The following VN1R1 variants were observed in gnomAD, a reference collection of about 807,000 sequenced individuals.
The protein encoded by VN1R1 is vomeronasal 1 receptor 1.
For missense variants in VN1R1, 391 were observed against 410.3 expected (o/e 0.95, Z 0.41); for synonymous variants, 168 against 149.8 (o/e 1.12, Z -0.89).
chr19:57,456,037 G>C lies in VN1R1; in HGVS notation c.450C>G (p.Leu150=). 1 of 1,614,206 alleles carries C rather than the reference G, an allele frequency of 6.2e-7. No homozygotes were observed. Among genetic ancestry groups the C allele is most frequent in the Non-Finnish European group, 8.5e-7 (1 of 1,180,044 alleles). Reference sequence around the variant, plus strand: ...CCATCCACCTGCATATACTGGGGTTGAGCTTAATGGCTTGGAATCCATTGA... The same window carrying C: ...CCATCCACCTGCATATACTGGGGTTCAGCTTAATGGCTTGGAATCCATTGA... The part of the protein sequence containing the change: ...CLLNGFQAIK[L]NPSICRWMEI... The change falls in exon 1 of 1, where the codon CTC becomes CTG. Residue 150 remains leucine (L), a synonymous_variant. Coordinates refer to ENST00000321039, the MANE Select transcript of VN1R1 (RefSeq NM_020633.4).
At chr19:57,456,438 AGTATC>A in the VN1R1 span, 2 of 1,602,064 alleles carry the variant, frequency 1.2e-6, no homozygotes, top group South Asian at 2.2e-5. Context: ...AGCAGAAAGA[AGTATC>A]TTGTCATCAG....
At position 57,456,615 on chromosome 19, in the gene VN1R1, C is replaced by G. The variant is rs1254509172; in HGVS notation, c.-129G>C. The G allele has an allele frequency of 2.8e-6, 2 of 714,986 alleles. No homozygotes were observed. Among genetic ancestry groups the G allele is most frequent in the African/African-American group, 3.6e-5 (2 of 56,090 alleles). 44.3% of individuals were successfully genotyped at this position (714,986 alleles called of 1,614,324 possible). On this transcript the variant is annotated 5_prime_UTR_variant, in exon 1 of 1. Transcript: ENST00000321039. ...CGCACAACAGATCCACAAATCAAAC[C>G]TATAAAACTCAGGGCTTACACACAT...
At position 57,456,527 on chromosome 19, in the gene VN1R1, G is replaced by A. The variant is rs1182881374; in HGVS notation, c.-41C>T. On this transcript the variant is annotated 5_prime_UTR_variant, in exon 1 of 1. The change creates a new upstream start codon in the 5' untranslated region. Transcript: ENST00000321039. ...ACAGAAATTAAGATTGTCCCTGTTC[G>A]TGCAAAGGCAATTGCTTGTGTGTCC... is the stretch of plus-strand genomic sequence containing the variant. 1.3e-5 allele frequency: 20 copies of A among 1,490,160 alleles called. No individual in the cohort carries two copies. The East Asian group carries it at 1.4e-4, about 10-fold the overall frequency. 92.3% of individuals were successfully genotyped at this position (1,490,160 alleles called of 1,614,324 possible).
Position 57,455,256 on chromosome 19 carries a change from T to G in VN1R1, c.*169A>C. 1.6e-6 allele frequency: 1 copy of G among 645,002 alleles called. No individual in the cohort carries two copies. The highest frequency in any genetic ancestry group is 2.6e-6 in the Non-Finnish European group (1 of 381,038). 40.0% of individuals were successfully genotyped at this position (645,002 alleles called of 1,614,324 possible). A position where few individuals can be genotyped will look rare whatever the true frequency, so the allele number is the denominator to read the frequency against. On this transcript the variant is annotated 3_prime_UTR_variant, in exon 1 of 1. Coordinates refer to ENST00000321039, the MANE Select transcript of VN1R1 (RefSeq NM_020633.4). Reference sequence around the variant, plus strand: ...TTAACACAGTTATATAGAGTGTTCTTTGTGTAACAGTATCCATGACTTTCA... The same window carrying G: ...TTAACACAGTTATATAGAGTGTTCTGTGTGTAACAGTATCCATGACTTTCA...
Position 57,455,883 on chromosome 19 carries a change from T to C in VN1R1, c.604A>G (p.Lys202Glu). ...GPLNSKNSSAKNNYGYCSYKA... is the reference protein window; with the variant it reads ...GPLNSKNSSAENNYGYCSYKA... ...TAAGAACAGTATCCATAATTGTTTT[T>C]TGCACTACTGTTTTTGCTATTCAGT... is the stretch of plus-strand genomic sequence containing the variant. Residue 202 changes from lysine (K) to glutamate (E), a missense_variant, in exon 1 of 1, where the codon AAA becomes GAA. Coordinates refer to ENST00000321039, the MANE Select transcript of VN1R1 (RefSeq NM_020633.4). The C allele has an allele frequency of 6.2e-7, 1 of 1,614,248 alleles. No individual in the cohort carries two copies.
Position 57,456,737 on chromosome 19 carries a change from A to C in VN1R1, c.-251T>G. ...GTGATATTATACTATAGTTTGCAAA[A>C]TGTAATCATGACGGAACCCTGGGTA... On this transcript the variant is annotated 5_prime_UTR_variant, in exon 1 of 1. Coordinates refer to ENST00000321039, the MANE Select transcript of VN1R1 (RefSeq NM_020633.4). 5 of 348,274 alleles carry C rather than the reference A, an allele frequency of 1.4e-5. No homozygotes were observed. Among genetic ancestry groups the C allele is most frequent in the East Asian group, 8.8e-5 (2 of 22,834 alleles). The allele number at this position is 348,274 out of a possible 1,614,324, so 21.6% of individuals were successfully genotyped here. A position where few individuals can be genotyped will look rare whatever the true frequency, so the allele number is the denominator to read the frequency against.
Position 57,455,355 on chromosome 19 carries a change from T to A in VN1R1, c.*70A>T. ...TGTGTATGTTGCTATCACAAATAACTAGTAGTTAATATTTCCTAAATCTTA... is the reference window on the plus strand; with the variant it reads ...TGTGTATGTTGCTATCACAAATAACAAGTAGTTAATATTTCCTAAATCTTA... On this transcript the variant is annotated 3_prime_UTR_variant, in exon 1 of 1. Coordinates refer to ENST00000321039, the MANE Select transcript of VN1R1 (RefSeq NM_020633.4). The A allele has an allele frequency of 1.4e-6, 2 of 1,379,804 alleles. No individual in the cohort carries two copies. Among genetic ancestry groups the A allele is most frequent in the Non-Finnish European group, 2.0e-6 (2 of 1,005,314 alleles). 85.5% of individuals were successfully genotyped at this position (1,379,804 alleles called of 1,614,324 possible). A position where few individuals can be genotyped will look rare whatever the true frequency, so the allele number is the denominator to read the frequency against.
In VN1R1 at chr19:57,455,210, T is replaced by C. The variant is rs76997017; in HGVS notation, c.*215A>G. 0.011 allele frequency: 5,481 copies of C among 477,924 alleles called. 229 individuals are homozygous for C. The highest frequency in any genetic ancestry group is 0.095 in the African/African-American group (4,778 of 50,558). The allele number at this position is 477,924 out of a possible 1,614,324, so 29.6% of individuals were successfully genotyped here. ...AATTCCCTTTTTAAACTTTTTGATT[T>C]CCTGAACTTGTCTGAAGGACTTAAC... On this transcript the variant is annotated 3_prime_UTR_variant, in exon 1 of 1. Coordinates refer to ENST00000321039, the MANE Select transcript of VN1R1 (RefSeq NM_020633.4).
In VN1R1 at chr19:57,456,370, A is replaced by T. The variant is rs1348560110; in HGVS notation, c.117T>A (p.Asp39Glu). The change falls in exon 1 of 1, where the codon GAT becomes GAA. Residue 39 changes from aspartate to glutamate, a missense_variant. Physicochemically the swap from Asp to Glu is conservative, Grantham distance 45. Transcript: ENST00000321039. ...LNENQHPLDF[D>E]EMAFGKVKSG... ...ATTTTACTTTTCCAAAAGCCATTTC[A>T]TCAAAATCTAGGGGATGTTGATTTT... 3.1e-6 allele frequency: 5 copies of T among 1,613,980 alleles called. No individual in the cohort carries two copies. The highest frequency in any genetic ancestry group is 4.2e-6 in the Non-Finnish European group (5 of 1,179,814).
At position 57,456,045 on chromosome 19, in the gene VN1R1, T is replaced by G; in HGVS notation, c.442A>C (p.Ile148Leu). ...TICLLNGFQA[I>L]KLNPSICRWM... Reference sequence around the variant, plus strand: ...CTGCATATACTGGGGTTGAGCTTAATGGCTTGGAATCCATTGAGAAGGCAG... The same window carrying G: ...CTGCATATACTGGGGTTGAGCTTAAGGGCTTGGAATCCATTGAGAAGGCAG... Residue 148 changes from isoleucine (I) to leucine (L), a missense_variant, in exon 1 of 1, where the codon ATT (isoleucine) becomes CTT (leucine). Coordinates refer to ENST00000321039, the MANE Select transcript of VN1R1 (RefSeq NM_020633.4). 6.2e-7 allele frequency: 1 copy of G among 1,614,200 alleles called. No individual in the cohort carries two copies. The highest frequency in any genetic ancestry group is 8.5e-7 in the Non-Finnish European group (1 of 1,180,048).
Position 57,455,878 on chromosome 19 carries a change from G to A in VN1R1, c.609C>T (p.Asn203=). The part of the protein sequence containing the change: ...PLNSKNSSAK[N]NYGYCSYKAS... ...CTTTGTAAGAACAGTATCCATAATT[G>A]TTTTTTGCACTACTGTTTTTGCTAT... The change falls in exon 1 of 1, where the codon AAC becomes AAT. Residue 203 remains asparagine (N), a synonymous_variant. Coordinates refer to ENST00000321039, the MANE Select transcript of VN1R1 (RefSeq NM_020633.4). The A allele has an allele frequency of 6.2e-7, 1 of 1,614,152 alleles. No homozygotes were observed. The highest frequency in any genetic ancestry group is 8.5e-7 in the Non-Finnish European group (1 of 1,180,032).
chr19:57,456,391 A>G lies in VN1R1; in HGVS notation c.96T>C (p.Asn32=). ...TTTCATCAAAATCTAGGGGATGTTG[A>G]TTTTCATTGAGGTCTGAAGAATCAG... ...YSTDSSDLNE[N]QHPLDFDEMA... Residue 32 remains asparagine, a synonymous_variant, in exon 1 of 1, where the codon AAT becomes AAC. Coordinates refer to ENST00000321039, the MANE Select transcript of VN1R1 (RefSeq NM_020633.4). 4.3e-6 allele frequency: 7 copies of G among 1,613,620 alleles called. No individual in the cohort carries two copies. The highest frequency in any genetic ancestry group is 5.9e-6 in the Non-Finnish European group (7 of 1,179,548).
rs1055079629 is a variant in VN1R1, at chr19:57,455,762, A to G, written c.725T>C (p.Met242Thr). ...LGFMVWASGSMVFFLYRHKQQ... is the reference protein window; with the variant it reads ...LGFMVWASGSTVFFLYRHKQQ... ...CTTGTGTCTGTAGAGGAAGAAGACC[A>G]TGGAGCCACTGGCCCAGACCATGAA... Residue 242 changes from methionine (M) to threonine (T), a missense_variant, in exon 1 of 1, where the codon ATG (methionine) becomes ACG (threonine). Met to Thr is a moderately conservative substitution (Grantham distance 81). Coordinates refer to ENST00000321039, the MANE Select transcript of VN1R1 (RefSeq NM_020633.4). 5.0e-6 allele frequency: 8 copies of G among 1,614,022 alleles called. No individual in the cohort carries two copies. Among genetic ancestry groups the G allele is most frequent in the Middle Eastern group, 1.6e-4 (1 of 6,062 alleles).
Position 57,456,012 on chromosome 19 carries a change from C to G in VN1R1, c.475G>C (p.Glu159Gln). Reference sequence around the variant, plus strand: ...AACCTTGGGGATCTAATCTTGATCTCCATCCACCTGCATATACTGGGGTTG... The same window carrying G: ...AACCTTGGGGATCTAATCTTGATCTGCATCCACCTGCATATACTGGGGTTG... ...KLNPSICRWM[E>Q]IKIRSPRFID... The change falls in exon 1 of 1, where the codon GAG (glutamate) becomes CAG (glutamine). Residue 159 changes from glutamate to glutamine, a missense_variant. By Grantham distance (29) the Glu-to-Gln change is conservative (BLOSUM62 2). Transcript: ENST00000321039. 6.2e-7 allele frequency: 1 copy of G among 1,614,166 alleles called. No individual in the cohort carries two copies. Among genetic ancestry groups the G allele is most frequent in the Admixed American group, 1.7e-5 (1 of 60,022 alleles).
Position 57,455,677 on chromosome 19 carries a change from T to A in VN1R1, c.810A>T (p.Arg270Ser), listed in dbSNP as rs758152442. Reference sequence around the variant, plus strand: ...CCAGGACCATGATGGTGTGTGTGGCTCTGGCTTCCTGGGAAGGTCTGCAGG... The same window carrying A: ...CCAGGACCATGATGGTGTGTGTGGCACTGGCTTCCTGGGAAGGTCTGCAGG... Reference protein sequence around the residue: ...RLSCRPSQEARATHTIMVLVS... With the variant: ...RLSCRPSQEASATHTIMVLVS... Residue 270 changes from arginine to serine, a missense_variant, in exon 1 of 1, where the codon AGA (arginine) becomes AGT (serine). By Grantham distance (110) the Arg-to-Ser change is moderately radical. Coordinates refer to ENST00000321039, the MANE Select transcript of VN1R1 (RefSeq NM_020633.4). 6.2e-7 allele frequency: 1 copy of A among 1,614,024 alleles called. No individual in the cohort carries two copies. The highest frequency in any genetic ancestry group is 1.3e-5 in the African/African-American group (1 of 74,918).
Position 57,456,525 on chromosome 19 carries a change from T to A in VN1R1, c.-39A>T. ...AAACAGAAATTAAGATTGTCCCTGT[T>A]CGTGCAAAGGCAATTGCTTGTGTGT... On this transcript the variant is annotated 5_prime_UTR_variant, in exon 1 of 1. Coordinates refer to ENST00000321039, the MANE Select transcript of VN1R1 (RefSeq NM_020633.4). The A allele has an allele frequency of 6.7e-7, 1 of 1,500,326 alleles. No individual in the cohort carries two copies. Among genetic ancestry groups the A allele is most frequent in the Non-Finnish European group, 8.9e-7 (1 of 1,126,624 alleles). 92.9% of individuals were successfully genotyped at this position (1,500,326 alleles called of 1,614,324 possible). A position where few individuals can be genotyped will look rare whatever the true frequency, so the allele number is the denominator to read the frequency against.
Position 57,455,876 on chromosome 19 carries a change from T to C in VN1R1, c.611A>G (p.Asn204Ser). 1 of 1,614,276 alleles carries C rather than the reference T, an allele frequency of 6.2e-7. No homozygotes were observed. The highest frequency in any genetic ancestry group is 1.1e-5 in the South Asian group (1 of 91,090). The stretch of plus-strand genomic sequence containing the variant: ...TGCTTTGTAAGAACAGTATCCATAA[T>C]TGTTTTTTGCACTACTGTTTTTGCT... ...LNSKNSSAKNNYGYCSYKASK... is the reference protein window; with the variant it reads ...LNSKNSSAKNSYGYCSYKASK... The change falls in exon 1 of 1, where the codon AAT (asparagine) becomes AGT (serine). Residue 204 changes from asparagine to serine, a missense_variant. Transcript: ENST00000321039.
chr19:57,455,653 C>T lies in VN1R1; in HGVS notation c.834G>A (p.Leu278=), dbSNP rs2089126679. Residue 278 remains leucine, a synonymous_variant, in exon 1 of 1, where the codon CTG becomes CTA. Transcript: ENST00000321039. ...AATAGAAAACAAAAAAGGAGCTCAC[C>T]AGGACCATGATGGTGTGTGTGGCTC... is the stretch of plus-strand genomic sequence containing the variant. ...EARATHTIMV[L]VSSFFVFYSV... is the part of the protein sequence containing the mutation. The T allele has an allele frequency of 6.2e-7, 1 of 1,614,014 alleles. No homozygotes were observed. Among genetic ancestry groups the T allele is most frequent in the Non-Finnish European group, 8.5e-7 (1 of 1,180,034 alleles).
chr19:57,455,933 G>C lies in VN1R1; in HGVS notation c.554C>G (p.Ser185Cys). Residue 185 changes from serine (S) to cysteine (C), a missense_variant, in exon 1 of 1, where the codon TCT becomes TGT. By Grantham distance (112) the Ser-to-Cys change is moderately radical (BLOSUM62 -1). Coordinates refer to ENST00000321039, the MANE Select transcript of VN1R1 (RefSeq NM_020633.4). ...TGGGCCATTCACTAATAGAAGAACA[G>C]ATGCATTCATCAAGACATGGGGGGC... is the stretch of plus-strand genomic sequence containing the variant. Reference protein sequence around the residue: ...CWAPHVLMNASVLLLVNGPLN... With the variant: ...CWAPHVLMNACVLLLVNGPLN... 1 of 1,614,202 alleles carries C rather than the reference G, an allele frequency of 6.2e-7. No individual in the cohort carries two copies. The highest frequency in any genetic ancestry group is 8.5e-7 in the Non-Finnish European group (1 of 1,180,044).
Sources: allele counts gnomAD v4.1 joint callset, GRCh38; gene constraint gnomAD v4.1.1; transcripts MANE v1.5; gene names NCBI Gene and HGNC (gene_info 2026-07-23, HGNC 2026-07-21).